Variants in HK2 observed in about 807,000 individuals in gnomAD.
HK2 encodes the protein hexokinase 2, also known as hexokinase-2.
Under a neutral mutation model 92.9 loss-of-function variants are expected in HK2, and 42 were observed. The ratio of observed to expected loss-of-function variants is 0.45; its 90% confidence interval spans 0.35 to 0.58. The LOEUF is 0.58. HK2 is among the 20% of genes least tolerant of loss of function. The pLI, the probability that HK2 is intolerant of heterozygous loss-of-function variation, is 0.00. For missense variants in HK2, 978 were observed against 1,245.1 expected, an observed-to-expected ratio of 0.79 and a Z score of 3.23; for synonymous variants, 422 against 468.0, an observed-to-expected ratio of 0.90 and a Z score of 1.27.
intron 9 of HK2, among the ~76,000 whole-genome samples, chr2:74,879,194 TA>T (rs1215924526): frequency 6.6e-6 from 1 of 152,184 alleles, no homozygotes; most frequent in Non-Finnish European, 1.5e-5. Context: ...CACCCTCTTG[TA>T]TGCGTTATTG....
At chr2:74,890,300 G>T (rs887043869) in intron 17 of HK2, among the ~76,000 whole-genome samples, 2 of 152,208 alleles carry the variant, frequency 1.3e-5, no homozygotes, top group African/African-American at 4.8e-5. Flanking sequence ...TGATATCCTA[G>T]CAGTGACTCT....
At chr2:74,847,911 A>G (rs1368093396) in intron 1 of HK2, among the ~76,000 whole-genome samples, 2 of 152,210 alleles carry the variant, frequency 1.3e-5, no homozygotes, top group Admixed American at 6.5e-5. Context: ...CAGCAGCTTT[A>G]CCTGGTGCAG....
At chr2:74,839,075 TGA>T (rs1451084771) in intron 1 of HK2, among the ~76,000 whole-genome samples, 2 of 152,150 alleles carry the variant, frequency 1.3e-5, no homozygotes, top group Non-Finnish European at 2.9e-5. Context: ...ATGCTGGGCT[TGA>T]GAGGAATATC....
intron 8 of HK2, among the ~76,000 whole-genome samples, chr2:74,878,318 C>T (rs1360043382): frequency 6.6e-6 from 1 of 152,194 alleles, no homozygotes; most frequent in Non-Finnish European, 1.5e-5. Context: ...CAAACTCTCA[C>T]ACACACAACT....
chr2:74,850,676 C>T (rs1035970754), intron 1 of HK2, among the ~76,000 whole-genome samples: 1 of 152,154 alleles, frequency 6.6e-6, no homozygotes, highest in Non-Finnish European at 1.5e-5. Context: ...TGAAAGTTGG[C>T]AAGATTCTGA....
In HK2 at chr2:74,887,981, A is replaced by G. The variant is rs10194657; in HGVS notation, c.2298A>G (p.Leu766=). The change falls in exon 16 of 18, where the codon CTA becomes CTG. Residue 766 remains leucine, a synonymous_variant. Transcript: ENST00000290573. ...NILIDFTKRG[L]LFRGRISERL... is the part of the protein sequence containing the mutation. The stretch of plus-strand genomic sequence containing the variant: ...TCATCGATTTCACCAAGCGTGGACT[A>G]CTCTTCCGAGGCCGCATCTCAGAGC... 977,944 of 1,613,572 alleles carry G rather than the reference A, an allele frequency of 0.61. 298,925 individuals carry two copies. Among genetic ancestry groups the G allele is most frequent in the Middle Eastern group, 0.71 (4,323 of 6,058 alleles).
intron 1 of HK2, among the ~76,000 whole-genome samples, chr2:74,843,541 A>T (rs975800160): frequency 2.0e-5 from 3 of 152,080 alleles, no homozygotes; most frequent in African/African-American, 4.8e-5. Context: ...GTTAAATCTT[A>T]TCTCAGCGTT....
rs889424058 is a variant in HK2 at position 74,834,975 on chromosome 2, C to T, written c.63+332C>T. On this transcript the variant is annotated intron_variant, in intron 1 of 17. Coordinates refer to ENST00000290573, the MANE Select transcript of HK2 (RefSeq NM_000189.5). The surrounding 1 kb of genome is among the most constrained non-coding windows in gnomAD (Gnocchi z 4.2). ...CGCAGGTAGTCAGGGATTGCTGCGC[C>T]CACGTGGGAGGGAGCCCCCTTCTGC... is the stretch of plus-strand genomic sequence containing the variant. Among the ~76,000 whole-genome samples, 3 of 152,296 alleles carry T rather than the reference C, an allele frequency of 2.0e-5. No homozygotes were observed. Among genetic ancestry groups the T allele is most frequent in the African/African-American group, 7.2e-5 (3 of 41,576 alleles).
At chr2:74,888,698 G>A (rs962409753) in intron 16 of HK2, among the ~76,000 whole-genome samples, 2 of 152,202 alleles carry the variant, frequency 1.3e-5, no homozygotes, top group African/African-American at 4.8e-5. Context: ...TAGCTTATAG[G>A]TCTGTTATGT....
At position 74,837,264 on chromosome 2, in the gene HK2, A is replaced by G. The variant is rs116417910; in HGVS notation, c.63+2621A>G. The stretch of plus-strand genomic sequence containing the variant: ...GCCATGCATTTGGCTTTAGAGCACC[A>G]TGCTCTTGAGCACATACTTGCCTGT... On this transcript the variant is annotated intron_variant, in intron 1 of 17. Coordinates refer to ENST00000290573, the MANE Select transcript of HK2 (RefSeq NM_000189.5). 3.6e-3 allele frequency among the ~76,000 whole-genome samples: 549 copies of G among 152,322 alleles called. 5 individuals are homozygous for G. The highest frequency in any genetic ancestry group is 5.6e-3 in the Non-Finnish European group (381 of 68,028).
chr2:74,867,569 T>G (rs761520949), intron 2 of HK2, 67 bp from the exon 3 acceptor site: 46 of 1,589,880 alleles, frequency 2.9e-5, no homozygotes, highest in Non-Finnish European at 3.9e-5. Flanking sequence ...ACTTGGAGTT[T>G]TAAGTCTCGG....
intron 2 of HK2, among the ~76,000 whole-genome samples, chr2:74,855,283 C>G (rs1049308664): frequency 3.3e-5 from 5 of 152,212 alleles, no homozygotes. Context: ...CTACCGCGCC[C>G]GCTGCCACAG....
intron 3 of HK2, among the ~76,000 whole-genome samples, chr2:74,868,720 T>C (rs976075431): frequency 6.6e-6 from 1 of 152,228 alleles, no homozygotes; most frequent in Non-Finnish European, 1.5e-5. Context: ...ATCCCCCAGA[T>C]GATAAATGTT....
chr2:74,893,162 C>T lies in HK2; in HGVS notation c.*2221C>T, dbSNP rs1384475428. 2.0e-5 allele frequency: 3 copies of T among 151,782 alleles called. No individual in the cohort carries two copies. The highest frequency in any genetic ancestry group is 4.4e-5 in the Non-Finnish European group (3 of 67,986). The allele number at this position is 151,782 out of a possible 1,614,324, so 9.4% of individuals were successfully genotyped here. On this transcript the variant is annotated 3_prime_UTR_variant, in exon 18 of 18. Coordinates refer to ENST00000290573, the MANE Select transcript of HK2 (RefSeq NM_000189.5). The stretch of plus-strand genomic sequence containing the variant: ...TGTTCTCAGAATCAGGTTGACAGTC[C>T]CTTGCTGACATGGCTTTGCTTTGTG...
At chr2:74,854,804 C>T (rs1185152929) in intron 2 of HK2, among the ~76,000 whole-genome samples, 1 of 152,208 alleles carries the variant, frequency 6.6e-6, no homozygotes, top group African/African-American at 2.4e-5. Flanking sequence ...ACGTACCTCA[C>T]GTGGCCACAA....
intron 9 of HK2, among the ~76,000 whole-genome samples, chr2:74,879,700 A>T (rs1405241069): frequency 1.3e-5 from 2 of 152,220 alleles, no homozygotes; most frequent in East Asian, 3.9e-4. Context: ...CATGGCTCCA[A>T]GTGGCCACTA....
At chr2:74,876,122 A>G (rs1448464153) in intron 7 of HK2, among the ~76,000 whole-genome samples, 2 of 152,198 alleles carry the variant, frequency 1.3e-5, no homozygotes, top group East Asian at 1.9e-4. Context: ...GTGTGGGTGC[A>G]CTAACATTTA....
chr2:74,870,111 C>T (rs1367028307), intron 3 of HK2, among the ~76,000 whole-genome samples: 4 of 151,080 alleles, frequency 2.6e-5, no homozygotes, highest in African/African-American at 7.3e-5. Flanking sequence ...CAGGTTCAAG[C>T]GATTCTCCTT....
intron 2 of HK2, among the ~76,000 whole-genome samples, chr2:74,856,959 G>T (rs1286120704): frequency 2.0e-5 from 3 of 152,224 alleles, no homozygotes; most frequent in African/African-American, 7.2e-5. Context: ...AATTAAGTTT[G>T]TTGGGGAGAA....
Sources: allele counts gnomAD v4.1 joint callset (sites outside exome capture counted in the v4.1 genomes callset), GRCh38; gene constraint gnomAD v4.1.1; non-coding constraint Gnocchi (gnomAD v3.1); transcripts MANE v1.5; gene names NCBI Gene and HGNC (gene_info 2026-07-23, HGNC 2026-07-21).